VPS13B: variants seen among roughly 807,000 people sequenced by gnomAD.
The protein encoded by VPS13B is vacuolar protein sorting 13 homolog B.
Under a neutral mutation model 426.4 loss-of-function variants are expected in VPS13B, and 285 were observed. That is an observed-to-expected ratio of 0.67 (90% confidence interval 0.61 to 0.74). VPS13B has a LOEUF of 0.74. Ranked by LOEUF, VPS13B falls within the 30% of genes least tolerant of loss-of-function variation. The probability of loss-of-function intolerance (pLI) is 0.00; values close to 1 mark genes in which losing one functional copy is unlikely to be tolerated. For missense variants in VPS13B, 4,537 were observed against 4,782.6 expected, an observed-to-expected ratio of 0.95 and a Z score of 1.51; for synonymous variants, 1,676 against 1,676.4, an observed-to-expected ratio of 1.00 and a Z score of 0.01.
At chr8:99,014,306 C>T (rs2132127961) in intron 2 of VPS13B, among the ~76,000 whole-genome samples, 2 of 151,256 alleles carry the variant, frequency 1.3e-5, no homozygotes, top group East Asian at 3.9e-4. Context: ...TTAGTAGAGA[C>T]GGGGTTTCAC....
Position 99,778,727 on chromosome 8 carries a change from C to A in VPS13B, c.7475C>A (p.Pro2492Gln). ...LQPFVSDRNMPSELEYMIVSF... is the reference protein window; with the variant it reads ...LQPFVSDRNMQSELEYMIVSF... ...CCATTTGTTTCCGACAGAAATATGC[C>A]ATCTGAACTAGAATACATGATTGTT... Residue 2492 changes from proline (P) to glutamine (Q), a missense_variant, in exon 42 of 62, where the codon CCA (proline) becomes CAA (glutamine). Transcript: ENST00000357162. The A allele has an allele frequency of 6.2e-7, 1 of 1,613,900 alleles. No individual in the cohort carries two copies. Among genetic ancestry groups the A allele is most frequent in the South Asian group, 1.1e-5 (1 of 91,056 alleles).
At chr8:99,728,723 A>G (rs1833460523) in intron 39 of VPS13B, among the ~76,000 whole-genome samples, 2 of 152,228 alleles carry the variant, frequency 1.3e-5, no homozygotes, top group African/African-American at 4.8e-5. Flanking sequence ...CTCTGGTAGT[A>G]TGTCGACTAC....
intron 3 of VPS13B, among the ~76,000 whole-genome samples, chr8:99,076,772 G>A (rs1313254710): frequency 2.6e-5 from 4 of 151,790 alleles, no homozygotes; most frequent in Non-Finnish European, 4.4e-5. Flanking sequence ...TTATTTATAG[G>A]CAGCATACAG....
chr8:99,675,823 C>T (rs1398387584), intron 35 of VPS13B, among the ~76,000 whole-genome samples: 1 of 151,918 alleles, frequency 6.6e-6, no homozygotes, highest in Admixed American at 6.6e-5. Context: ...TTAAATTTCT[C>T]ATTCTGGTCA....
At chr8:99,411,207 A>G (rs760774060) in intron 21 of VPS13B, among the ~76,000 whole-genome samples, 5 of 152,120 alleles carry the variant, frequency 3.3e-5, no homozygotes, top group Non-Finnish European at 5.9e-5. Context: ...TATTCTCTGC[A>G]TCCTCTCCAG....
At chr8:99,722,638 A>G (rs1489269518) in intron 39 of VPS13B, among the ~76,000 whole-genome samples, 1 of 151,578 alleles carries the variant, frequency 6.6e-6, no homozygotes, top group Non-Finnish European at 1.5e-5. Context: ...TCCCGAGTAG[A>G]TGGGACTACA....
intron 33 of VPS13B, among the ~76,000 whole-genome samples, chr8:99,598,815 A>C (rs1168053871): frequency 1.3e-5 from 2 of 151,828 alleles, no homozygotes; most frequent in Non-Finnish European, 2.9e-5. Context: ...CCCAGTGTAG[A>C]TCCACTTGGT....
intron 34 of VPS13B, among the ~76,000 whole-genome samples, chr8:99,648,785 G>C (rs1829693313): frequency 6.6e-6 from 1 of 152,118 alleles, no homozygotes; most frequent in African/African-American, 2.4e-5. Context: ...GGGGAAAGTG[G>C]TCTTTTGTAT....
At position 99,469,509 on chromosome 8, in the gene VPS13B, T is replaced by A. The variant is rs78531948; in HGVS notation, c.3666+1875T>A. Among the ~76,000 whole-genome samples the A allele has an allele frequency of 9.7e-4, 147 of 152,270 alleles. 1 individual carries two copies. The East Asian group carries it at 0.026, about 27-fold the overall frequency. Reference sequence around the variant, plus strand: ...TTTTAGAATCAGTAGTGAATACTTTTGAATGACACTAAATATTTCAGTTTA... The same window carrying A: ...TTTTAGAATCAGTAGTGAATACTTTAGAATGACACTAAATATTTCAGTTTA... On this transcript the variant is annotated intron_variant, in intron 24 of 61. Coordinates refer to ENST00000357162, the MANE Select transcript of VPS13B (RefSeq NM_152564.5).
chr8:99,812,050 A>G (rs907061769), intron 44 of VPS13B, among the ~76,000 whole-genome samples: 2 of 152,222 alleles, frequency 1.3e-5, no homozygotes, highest in African/African-American at 4.8e-5. Flanking sequence ...AAATTAATAT[A>G]TACAGTGTTC....
intron 30 of VPS13B, among the ~76,000 whole-genome samples, chr8:99,545,293 C>T (rs149763133): frequency 3.1e-3 from 473 of 152,136 alleles, no homozygotes; most frequent in Middle Eastern, 6.8e-3. Flanking sequence ...CAACATTCTC[C>T]TTGTACGCAC....
chr8:99,634,393 T>C (rs906486364), intron 33 of VPS13B, among the ~76,000 whole-genome samples: 16 of 152,010 alleles, frequency 1.1e-4, no homozygotes, highest in African/African-American at 3.6e-4. Context: ...ATGCTGCTTT[T>C]ATTGCAGTTA....
chr8:99,861,587 C>T (rs1816836763), intron 57 of VPS13B, among the ~76,000 whole-genome samples, 189 bp from the exon 58 acceptor site: 1 of 152,222 alleles, frequency 6.6e-6, no homozygotes, highest in Admixed American at 6.5e-5. Context: ...CAGGCGTGAG[C>T]CACCACCCCA....
intron 33 of VPS13B, among the ~76,000 whole-genome samples, chr8:99,588,467 TTTG>T (rs1334871203): frequency 2.6e-5 from 4 of 151,716 alleles, no homozygotes; most frequent in Non-Finnish European, 4.4e-5. Context: ...TGTTCTTCCA[TTTG>T]TTTGTGTCCT....
chr8:99,560,169 A>G (rs1457835900), intron 31 of VPS13B, among the ~76,000 whole-genome samples: 1 of 152,146 alleles, frequency 6.6e-6, no homozygotes, highest in African/African-American at 2.4e-5. Flanking sequence ...CTTTGAAGCA[A>G]TTGTGAATGG....
At position 99,871,621 on chromosome 8, in the gene VPS13B, A is replaced by G; in HGVS notation, c.11669A>G (p.Asp3890Gly). 1.2e-6 allele frequency: 2 copies of G among 1,614,178 alleles called. No individual in the cohort carries two copies. The highest frequency in any genetic ancestry group is 4.5e-5 in the East Asian group (2 of 44,870). The change falls in exon 61 of 62, where the codon GAC (aspartate) becomes GGC (glycine). Residue 3890 changes from aspartate (D) to glycine (G), a missense_variant. Physicochemically the swap from Asp to Gly is moderately conservative, Grantham distance 94. Transcript: ENST00000357162. ...CAGGCCTTCCCCGTCACAGAAATCGACTGTGCACAGGACAGCAAGCAGAAC... is the reference window on the plus strand; with the variant it reads ...CAGGCCTTCCCCGTCACAGAAATCGGCTGTGCACAGGACAGCAAGCAGAAC... The part of the protein sequence containing the change: ...QQQAFPVTEI[D>G]CAQDSKQNNL...
At chr8:99,405,926 C>G (rs1489986822) in intron 21 of VPS13B, among the ~76,000 whole-genome samples, 1 of 151,896 alleles carries the variant, frequency 6.6e-6, no homozygotes, top group South Asian at 2.1e-4. Context: ...ACTACAGGCA[C>G]CCACCACCAA....
rs9792362 is a variant in VPS13B at position 99,209,292 on chromosome 8, C to A, written c.2515+16235C>A. On this transcript the variant is annotated intron_variant, in intron 17 of 61. Coordinates refer to ENST00000357162, the MANE Select transcript of VPS13B (RefSeq NM_152564.5). ...CTGAGGCTCCATCTCAAAAAAAAAACAAAACAAAAAACAAAACCGAAATAA... is the reference window on the plus strand; with the variant it reads ...CTGAGGCTCCATCTCAAAAAAAAAAAAAAACAAAAAACAAAACCGAAATAA... Among the ~76,000 whole-genome samples the A allele has an allele frequency of 0.77, 110,596 of 144,128 alleles. 41,954 individuals are homozygous for A. The highest frequency in any genetic ancestry group is 0.87 in the South Asian group (4,071 of 4,692). The allele number at this position is 144,128 out of a possible 152,430, so 94.6% of individuals were successfully genotyped here. A position where few individuals can be genotyped will look rare whatever the true frequency, so the allele number is the denominator to read the frequency against.
At chr8:99,790,276 A>T (rs1812475540) in intron 43 of VPS13B, among the ~76,000 whole-genome samples, 1 of 152,152 alleles carries the variant, frequency 6.6e-6, no homozygotes, top group African/African-American at 2.4e-5. Flanking sequence ...CTACACCATG[A>T]TTTATTAAAT....
Sources: gnomAD v4.1 joint callset for allele counts (sites outside exome capture counted in the v4.1 genomes callset) on GRCh38, gnomAD v4.1.1 for gene constraint, MANE v1.5 for transcripts, NCBI Gene and HGNC (gene_info 2026-07-23, HGNC 2026-07-21) for gene names.